ZFHX3: variants seen among roughly 807,000 people sequenced by gnomAD.
ZFHX3 encodes the protein zinc finger homeobox protein 3.
In ZFHX3, 42 loss-of-function variants were observed where a neutral mutation model predicts 279.1. The observed-to-expected ratio is 0.15, with a 90% confidence interval of 0.12 to 0.19. The LOEUF is 0.19. Among genes scored for constraint, ZFHX3 ranks in the 10% least tolerant of loss-of-function variants. The probability of loss-of-function intolerance (pLI) is 1.00; values close to 1 mark genes in which losing one functional copy is unlikely to be tolerated. For synonymous variants in ZFHX3, 2,293 were observed against 1,957.8 expected (o/e 1.17, Z -4.52); for missense variants, 4,981 against 4,754.0 (o/e 1.05, Z -1.40).
intron 2 of ZFHX3, among the ~76,000 whole-genome samples, chr16:73,494,486 C>T (rs529838426): frequency 6.6e-6 from 1 of 152,284 alleles, no homozygotes; most frequent in African/African-American, 2.4e-5. Context: ...CTTGTTGATG[C>T]ACCGACCTAA....
At chr16:73,341,741 G>A (rs2016037450) in intron 3 of ZFHX3, among the ~76,000 whole-genome samples, 1 of 152,102 alleles carries the variant, frequency 6.6e-6, no homozygotes, top group South Asian at 2.1e-4. Flanking sequence ...ATACACAATG[G>A]AATACTATTG....
At chr16:73,591,381 C>G (rs150206736) in intron 2 of ZFHX3, among the ~76,000 whole-genome samples, 15 of 145,092 alleles carry the variant, frequency 1.0e-4, no homozygotes, top group African/African-American at 3.9e-4. Flanking sequence ...AACAAACAAA[C>G]AAACAAAAAT....
intron 2 of ZFHX3, among the ~76,000 whole-genome samples, chr16:73,531,234 T>A (rs2019796715): frequency 6.6e-6 from 1 of 152,146 alleles, no homozygotes; most frequent in Non-Finnish European, 1.5e-5. Context: ...GCTAAATATA[T>A]CCCCAGTGCT....
intron 3 of ZFHX3, among the ~76,000 whole-genome samples, chr16:73,375,812 T>C (rs74028607): frequency 0.04 from 6,062 of 152,256 alleles, 315 homozygotes; most frequent in African/African-American, 0.12. Context: ...TGAAAACAGC[T>C]TACTATTTTT....
In ZFHX3 at chr16:72,958,392, C is replaced by CCGCCCTCTGCCACATTGGCCCTGA. The variant is rs1448365879; in HGVS notation, c.1730_1753dup (p.Val577_Gly584dup). On this transcript the variant is annotated inframe_insertion, in exon 2 of 10. Transcript: ENST00000268489. Reference sequence around the variant, plus strand: ...TTCGTCAGCGAAGTCCAGCCTCCTGCCGCCCTCTGCCACATTGGCCCTGAC... The same window carrying CCGCCCTCTGCCACATTGGCCCTGA: ...TTCGTCAGCGAAGTCCAGCCTCCTGCCGCCCTCTGCCACATTGGCCCTGACGCCCTCTGCCACATTGGCCCTGAC... The CCGCCCTCTGCCACATTGGCCCTGA allele has an allele frequency of 1.9e-6, 3 of 1,614,094 alleles. No homozygotes were observed. The highest frequency in any genetic ancestry group is 3.3e-5 in the Admixed American group (2 of 60,016).
chr16:73,093,164 T>G (rs753090118), intron 8 of ZFHX3: 1 of 519,980 alleles, frequency 1.9e-6, no homozygotes, highest in South Asian at 1.4e-5. Context: ...AGCCCTCACC[T>G]CCAGCAGAGG....
chr16:73,669,414 G>A (rs542880613), intron 2 of ZFHX3, among the ~76,000 whole-genome samples: 5 of 152,292 alleles, frequency 3.3e-5, no homozygotes, highest in South Asian at 2.1e-4. Flanking sequence ...AAACTCCCAC[G>A]TGATCTCTAG....
chr16:73,315,122 G>C (rs923252639), intron 4 of ZFHX3, among the ~76,000 whole-genome samples: 3 of 152,102 alleles, frequency 2.0e-5, no homozygotes, highest in Non-Finnish European at 4.4e-5. Context: ...CAGCTAGTCA[G>C]GGGGCTGAGG....
chr16:72,978,498 TC>T (rs1358405765), intron 1 of ZFHX3, among the ~76,000 whole-genome samples: 1 of 151,934 alleles, frequency 6.6e-6, no homozygotes, highest in African/African-American at 2.4e-5. Context: ...CAGGACCCCT[TC>T]CCCCACTCCC....
intron 3 of ZFHX3, among the ~76,000 whole-genome samples, chr16:72,948,149 C>T (rs902099164): frequency 2.0e-5 from 3 of 152,232 alleles, no homozygotes; most frequent in African/African-American, 4.8e-5. Context: ...TGGCGAAGCC[C>T]GGGCAGGCAC....
chr16:73,499,773 A>C (rs759608883), intron 2 of ZFHX3: 2 of 152,190 alleles, frequency 1.3e-5, no homozygotes, highest in Non-Finnish European at 2.9e-5. Flanking sequence ...AAATATAGTC[A>C]TGTGCCACAT....
Position 72,874,032 on chromosome 16 carries a change from T to C in ZFHX3, c.3448+15699A>G, listed in dbSNP as rs111981597. 1.5e-4 allele frequency among the ~76,000 whole-genome samples: 23 copies of C among 152,200 alleles called. 1 individual carries two copies. The highest frequency in any genetic ancestry group is 5.1e-4 in the African/African-American group (21 of 41,526). ...ACCCTCAGCCAAAACCTGTTGTCTGTTGTGCCCGAGGACAGTCATATGATG... is the reference window on the plus strand; with the variant it reads ...ACCCTCAGCCAAAACCTGTTGTCTGCTGTGCCCGAGGACAGTCATATGATG... On this transcript the variant is annotated intron_variant, in intron 4 of 9. Coordinates refer to ENST00000268489, the MANE Select transcript of ZFHX3 (RefSeq NM_006885.4).
At chr16:73,879,821 GCACC>G (rs1458455599) in intron 1 of ZFHX3, among the ~76,000 whole-genome samples, 2 of 151,512 alleles carry the variant, frequency 1.3e-5, no homozygotes, top group Non-Finnish European at 2.9e-5. Flanking sequence ...TGCCACTGGC[GCACC>G]CACACACACA....
intron 3 of ZFHX3, among the ~76,000 whole-genome samples, chr16:73,417,321 G>C (rs1451766022): frequency 6.6e-6 from 1 of 151,820 alleles, no homozygotes; most frequent in African/African-American, 2.4e-5. Context: ...TGAAAACACC[G>C]GTGAAATCCA....
chr16:73,767,015 A>G (rs1013100865), intron 1 of ZFHX3, among the ~76,000 whole-genome samples: 1 of 150,102 alleles, frequency 6.7e-6, no homozygotes. Context: ...AGCTCAGTGC[A>G]ACCTCCACCT....
At chr16:73,169,745 A>G (rs144371849) in intron 5 of ZFHX3, among the ~76,000 whole-genome samples, 10 of 152,232 alleles carry the variant, frequency 6.6e-5, no homozygotes, top group African/African-American at 2.2e-4. Context: ...TATCAAGGTT[A>G]TGCCCAGTAT....
At chr16:73,488,852 A>C (rs559840477) in intron 2 of ZFHX3, among the ~76,000 whole-genome samples, 6 of 152,194 alleles carry the variant, frequency 3.9e-5, no homozygotes, top group Non-Finnish European at 8.8e-5. Flanking sequence ...AGAAAGAACC[A>C]AATGCCAGCT....
At chr16:73,374,912 T>A (rs74028605) in intron 3 of ZFHX3, among the ~76,000 whole-genome samples, 6,061 of 152,294 alleles carry the variant, frequency 0.04, 316 homozygotes, top group African/African-American at 0.12. Flanking sequence ...CAAGACTGTG[T>A]CATAGGTGGT....
At position 73,264,616 on chromosome 16, in the gene ZFHX3, G is replaced by T. The variant is rs184400435; in HGVS notation, c.-1193-7480C>A. Among the ~76,000 whole-genome samples the T allele has an allele frequency of 4.4e-4, 67 of 151,842 alleles. 1 individual carries two copies. The highest frequency in any genetic ancestry group is 1.5e-3 in the African/African-American group (63 of 41,366). ...TTTTATTTCTATATATTTGGGGAAC[G>T]GGTGGTATTTGGTTACATGGGCAAG... On this transcript the variant is annotated intron_variant, in intron 4 of 17. Coordinates refer to the ZFHX3 transcript ENST00000641206.
Sources: allele counts gnomAD v4.1 joint callset (sites outside exome capture counted in the v4.1 genomes callset), GRCh38; gene constraint gnomAD v4.1.1; transcripts MANE v1.5; gene names NCBI Gene and HGNC (gene_info 2026-07-23, HGNC 2026-07-21).